Variants in HOOK3 observed in about 807,000 individuals in gnomAD.
The protein encoded by HOOK3 is protein Hook homolog 3.
HOOK3 carries 24 observed loss-of-function variants against 116.3 expected under a neutral mutation model. The ratio of observed to expected loss-of-function variants is 0.21; its 90% CI spans 0.15 to 0.29. The LOEUF (loss-of-function observed/expected upper bound fraction) is 0.29, where lower values mean the gene tolerates loss of function less well. Ranked by LOEUF, HOOK3 falls within the 10% of genes least tolerant of loss-of-function variation. The pLI, the probability that HOOK3 is intolerant of heterozygous loss-of-function variation, is 1.00. For missense variants in HOOK3, 632 were observed against 830.2 expected, an observed-to-expected ratio of 0.76 and a Z score of 2.93; for synonymous variants, 275 against 283.0, an observed-to-expected ratio of 0.97 and a Z score of 0.28.
intron 6 of HOOK3, 50 bp downstream of exon 6, chr8:42,950,505 C>T (rs780320477): frequency 2.5e-6 from 3 of 1,220,252 alleles, no homozygotes; most frequent in South Asian, 1.3e-5. Flanking sequence ...AAGGAGTAAA[C>T]ATGAGTATGA....
intron 8 of HOOK3, among the ~76,000 whole-genome samples, chr8:42,962,408 T>G (rs1279882513): frequency 2.3e-5 from 3 of 132,160 alleles, no homozygotes; most frequent in Non-Finnish European, 3.3e-5. Flanking sequence ...GGCCCGTGTG[T>G]TTTTTTTTTT....
At chr8:42,962,796 CTTTTTTTT>C (rs34722373) in intron 8 of HOOK3, among the ~76,000 whole-genome samples, 63 of 99,344 alleles carry the variant, frequency 6.3e-4, no homozygotes, top group African/African-American at 2.6e-3. Context: ...ACTTCTTCTT[CTTTTTTTT>C]TTTTTTTTTT....
intron 2 of HOOK3, among the ~76,000 whole-genome samples, chr8:42,907,779 C>T (rs546451054): frequency 3.9e-4 from 55 of 141,850 alleles, no homozygotes; most frequent in Admixed American, 1.7e-3. Flanking sequence ...GTCGACTCTG[C>T]CAGTTCTGTT....
At chr8:42,916,516 G>A (rs1183903870) in intron 2 of HOOK3, among the ~76,000 whole-genome samples, 1 of 152,194 alleles carries the variant, frequency 6.6e-6, no homozygotes, top group African/African-American at 2.4e-5. Context: ...TGAGGAATGA[G>A]TCCTTTTAAA....
chr8:42,971,892 A>C (rs899270519), intron 11 of HOOK3, among the ~76,000 whole-genome samples: 3 of 152,052 alleles, frequency 2.0e-5, no homozygotes, highest in African/African-American at 7.2e-5. Context: ...TGTTGCCCCC[A>C]GGGTGATCTG....
chr8:42,918,995 C>T (rs571307632), intron 2 of HOOK3, among the ~76,000 whole-genome samples: 11 of 145,280 alleles, frequency 7.6e-5, no homozygotes, highest in Admixed American at 2.0e-4. Context: ...ACGGGGCGGC[C>T]GGGCAGAGGC....
intron 13 of HOOK3, among the ~76,000 whole-genome samples, chr8:42,974,738 G>A (rs967144139): frequency 1.3e-5 from 2 of 152,206 alleles, no homozygotes; most frequent in Non-Finnish European, 2.9e-5. Flanking sequence ...AGTCACACCT[G>A]CCTTTTTAAG....
chr8:42,950,587 G>T, intron 6 of HOOK3, 132 bp downstream of exon 6: 1 of 509,036 alleles, frequency 2.0e-6, no homozygotes, highest in Non-Finnish European at 3.5e-6. Context: ...TTATGATATA[G>T]CTTTTCTTGT....
In HOOK3 at chr8:42,897,033, G is replaced by C; in HGVS notation, c.-99G>C. The C allele has an allele frequency of 2.2e-6, 2 of 912,198 alleles. No individual in the cohort carries two copies. Among genetic ancestry groups the C allele is most frequent in the Non-Finnish European group, 2.9e-6 (2 of 693,860 alleles). The allele number at this position is 912,198 out of a possible 1,614,324, so 56.5% of individuals were successfully genotyped here. A position where few individuals can be genotyped will look rare whatever the true frequency, so the allele number is the denominator to read the frequency against. Reference sequence around the variant, plus strand: ...GCGGCCGGATCCGAGGAGCAGGCGGGCCTGAGGCCGAGTCAGCTGCGCGGG... The same window carrying C: ...GCGGCCGGATCCGAGGAGCAGGCGGCCCTGAGGCCGAGTCAGCTGCGCGGG... On this transcript the variant is annotated 5_prime_UTR_variant, in exon 1 of 22. Coordinates refer to ENST00000307602, the MANE Select transcript of HOOK3 (RefSeq NM_032410.4).
At chr8:42,942,854 T>C (rs1376397596) in intron 4 of HOOK3, among the ~76,000 whole-genome samples, 4 of 152,240 alleles carry the variant, frequency 2.6e-5, no homozygotes, top group African/African-American at 9.6e-5. Context: ...AGTTTCCGTA[T>C]AAAGAAATTT....
chr8:42,953,023 T>C (rs1475401540), intron 6 of HOOK3, among the ~76,000 whole-genome samples: 2 of 152,020 alleles, frequency 1.3e-5, no homozygotes, highest in Non-Finnish European at 2.9e-5. Context: ...GAAAGAGTTA[T>C]CCACCTCCTG....
Position 43,026,177 on chromosome 8 carries a change from T to C in HOOK3, c.*7679T>C, listed in dbSNP as rs910256631. ...TTGTAAAATTAATAAAAAGGACTCA[T>C]GTTTATTCTGGTGTATTTGTCAACC... On this transcript the variant is annotated 3_prime_UTR_variant, in exon 22 of 22. Coordinates refer to ENST00000307602, the MANE Select transcript of HOOK3 (RefSeq NM_032410.4). 2.4e-5 allele frequency: 5 copies of C among 204,086 alleles called. No individual in the cohort carries two copies. Among genetic ancestry groups the C allele is most frequent in the Non-Finnish European group, 5.0e-5 (5 of 99,786 alleles). 12.6% of individuals were successfully genotyped at this position (204,086 alleles called of 1,614,324 possible).
intron 15 of HOOK3, among the ~76,000 whole-genome samples, chr8:42,991,731 ATACTGAGTACTTTGT>A (rs1477575598): frequency 6.6e-6 from 1 of 151,886 alleles, no homozygotes; most frequent in Non-Finnish European, 1.5e-5. Context: ...GCACTTGGAC[ATACTGAGTACTTTGT>A]TTTTGTTTTT....
At chr8:42,915,606 A>G (rs1807518405) in intron 2 of HOOK3, among the ~76,000 whole-genome samples, 1 of 151,772 alleles carries the variant, frequency 6.6e-6, no homozygotes, top group Admixed American at 6.6e-5. Context: ...TAATTTTTGT[A>G]TTTTTAGTAG....
rs1809773706 is a variant in HOOK3 at position 43,019,193 on chromosome 8, G to A, written c.*695G>A. On this transcript the variant is annotated 3_prime_UTR_variant, in exon 22 of 22. Coordinates refer to ENST00000307602, the MANE Select transcript of HOOK3 (RefSeq NM_032410.4). ...TTCATTATTTCCTGCTATCTTGTTT[G>A]CTGGCAGAAGTGAATGTTTGGTGAG... The A allele has an allele frequency of 4.7e-6, 1 of 211,556 alleles. No homozygotes were observed. Among genetic ancestry groups the A allele is most frequent in the South Asian group, 1.9e-4 (1 of 5,322 alleles). 13.1% of individuals were successfully genotyped at this position (211,556 alleles called of 1,614,324 possible). A position where few individuals can be genotyped will look rare whatever the true frequency, so the allele number is the denominator to read the frequency against.
Position 42,901,583 on chromosome 8 carries a change from G to A in HOOK3, c.57+4395G>A, listed in dbSNP as rs543934352. Among the ~76,000 whole-genome samples the A allele has an allele frequency of 8.5e-5, 13 of 152,174 alleles. No homozygotes were observed. The South Asian group carries it at 2.7e-3, about 32-fold the overall frequency. Reference sequence around the variant, plus strand: ...GTTTCACTTTGGTCTTGCAGCAGAGGTGGACATCTCTGACCCTTATGAGCA... The same window carrying A: ...GTTTCACTTTGGTCTTGCAGCAGAGATGGACATCTCTGACCCTTATGAGCA... On this transcript the variant is annotated intron_variant, in intron 1 of 21. Coordinates refer to ENST00000307602, the MANE Select transcript of HOOK3 (RefSeq NM_032410.4).
chr8:42,939,647 G>A (rs549097121), intron 4 of HOOK3, among the ~76,000 whole-genome samples: 13 of 151,760 alleles, frequency 8.6e-5, no homozygotes, highest in East Asian at 3.9e-4. Flanking sequence ...CCTCCCGGAC[G>A]GGGTGGCTGC....
chr8:43,001,453 T>C (rs1809379448), intron 16 of HOOK3, among the ~76,000 whole-genome samples: 1 of 152,136 alleles, frequency 6.6e-6, no homozygotes, highest in Non-Finnish European at 1.5e-5. Flanking sequence ...TAGTATATAC[T>C]GTATAAGTGT....
intron 8 of HOOK3, among the ~76,000 whole-genome samples, chr8:42,961,423 A>G (rs917265653): frequency 6.6e-6 from 1 of 152,226 alleles, no homozygotes; most frequent in Non-Finnish European, 1.5e-5. Context: ...TACCTAGCAC[A>G]TAGTAGGTGA....
Sources: allele counts gnomAD v4.1 joint callset (sites outside exome capture counted in the v4.1 genomes callset), GRCh38; gene constraint gnomAD v4.1.1; transcripts MANE v1.5; gene names NCBI Gene and HGNC (gene_info 2026-07-23, HGNC 2026-07-21).